MMD: variants seen among roughly 807,000 people sequenced by gnomAD.
MMD encodes the protein monocyte to macrophage differentiation associated.
Under a neutral mutation model 33.6 loss-of-function variants are expected in MMD, and 22 were observed. The observed-to-expected ratio is 0.66, with a 90% CI of 0.47 to 0.94. The LOEUF is 0.94. Among genes scored for constraint, MMD ranks in the 40% least tolerant of loss-of-function variants. MMD has a pLI of 0.00. For missense variants in MMD, 242 were observed against 309.8 expected (o/e 0.78, Z 1.64); for synonymous variants, 97 against 103.2 (o/e 0.94, Z 0.36).
At chr17:55,410,687 G>C (rs1907726287) in intron 3 of MMD, among the ~76,000 whole-genome samples, 1 of 152,212 alleles carries the variant, frequency 6.6e-6, no homozygotes, top group Non-Finnish European at 1.5e-5. Flanking sequence ...CAAACTATAA[G>C]TATACCTTCA....
chr17:55,403,633 T>G (rs1907431056), intron 5 of MMD, 134 bp downstream of exon 5: 6 of 575,180 alleles, frequency 1.0e-5, no homozygotes, highest in Admixed American at 3.7e-5. Flanking sequence ...TTTTGAAGAT[T>G]TATTAAAAAT....
Position 55,400,556 on chromosome 17 carries a change from G to GAA in MMD, c.516+911_516+912dup, listed in dbSNP as rs11371752. 9.0e-3 allele frequency among the ~76,000 whole-genome samples: 1,300 copies of GAA among 144,548 alleles called. 14 individuals carry two copies. Among genetic ancestry groups the GAA allele is most frequent in the African/African-American group, 0.028 (1,120 of 39,300 alleles). 94.8% of individuals were successfully genotyped at this position (144,548 alleles called of 152,430 possible). On this transcript the variant is annotated intron_variant, in intron 6 of 6. Coordinates refer to ENST00000262065, the MANE Select transcript of MMD (RefSeq NM_012329.3). Reference sequence around the variant, plus strand: ...GAGCAAGACTTTGTCTCAAAAAAAAGAAAAAAAAAAAAAGGTTCTTACAAT... The same window carrying GAA: ...GAGCAAGACTTTGTCTCAAAAAAAAGAAAAAAAAAAAAAAAGGTTCTTACAAT...
chr17:55,410,756 T>A (rs1039991483), intron 3 of MMD, among the ~76,000 whole-genome samples: 2 of 152,218 alleles, frequency 1.3e-5, no homozygotes, highest in Non-Finnish European at 1.5e-5. Context: ...GTACCTTATC[T>A]CATTCACCTA....
chr17:55,407,915 C>G (rs1468132687), intron 3 of MMD, 95 bp from the exon 4 acceptor site: 15 of 848,260 alleles, frequency 1.8e-5, no homozygotes, highest in Non-Finnish European at 2.3e-5. Context: ...CATTCTTGTT[C>G]TAGTTCTCAT....
chr17:55,409,369 CCTTT>C (rs913061061), intron 3 of MMD, among the ~76,000 whole-genome samples: 14 of 152,100 alleles, frequency 9.2e-5, no homozygotes, highest in African/African-American at 3.4e-4. Flanking sequence ...AGGTTTTGGG[CCTTT>C]CTAATTCTGT....
At chr17:55,419,885 C>T (rs28414540) in intron 1 of MMD, among the ~76,000 whole-genome samples, 57,673 of 151,986 alleles carry the variant, frequency 0.38, 11,789 homozygotes, top group Non-Finnish European at 0.46. Flanking sequence ...AAAGAAAATA[C>T]CTGTATTTTT....
chr17:55,419,236 G>A (rs1908083895), intron 1 of MMD, among the ~76,000 whole-genome samples: 1 of 152,226 alleles, frequency 6.6e-6, no homozygotes. Flanking sequence ...TAGATAAATG[G>A]CACTCAATAA....
At chr17:55,395,416 G>A (rs1018500609) in intron 6 of MMD, among the ~76,000 whole-genome samples, 10 of 152,236 alleles carry the variant, frequency 6.6e-5, no homozygotes, top group Non-Finnish European at 1.3e-4. Flanking sequence ...ATCACGGCAG[G>A]GCCTTGGAAG....
chr17:55,400,314 G>A (rs1387014271), intron 6 of MMD, among the ~76,000 whole-genome samples: 1 of 152,088 alleles, frequency 6.6e-6, no homozygotes, highest in East Asian at 1.9e-4. Flanking sequence ...TTGGGAGGCC[G>A]AGGCAGGTGG....
rs574593905 is a variant in MMD, at chr17:55,403,760, C to A, written c.446+7G>T. On this transcript the variant is annotated splice_region_variant and intron_variant, in intron 5 of 6. Coordinates refer to ENST00000262065, the MANE Select transcript of MMD (RefSeq NM_012329.3). ...AAAACTATCAAATGTAAATTATTTT[C>A]TCTTACTTTTCATGGTAGAGAAATA... is the stretch of plus-strand genomic sequence containing the variant. 193 of 1,596,744 alleles carry A rather than the reference C, an allele frequency of 1.2e-4. 2 individuals are homozygous for A. In the Admixed American group the frequency reaches 3.2e-3, roughly 27 times the overall value.
At chr17:55,399,487 G>A (rs992888672) in intron 6 of MMD, among the ~76,000 whole-genome samples, 1 of 152,098 alleles carries the variant, frequency 6.6e-6, no homozygotes, top group African/African-American at 2.4e-5. Context: ...AACTCAAGCT[G>A]GTACATGTAT....
chr17:55,405,016 C>T (rs1907488532), intron 4 of MMD, among the ~76,000 whole-genome samples: 2 of 151,306 alleles, frequency 1.3e-5, no homozygotes, highest in African/African-American at 2.4e-5. Context: ...GAGCTGAGAT[C>T]GCACCACTGC....
chr17:55,405,396 A>G (rs543741488), intron 4 of MMD, among the ~76,000 whole-genome samples: 545 of 148,342 alleles, frequency 3.7e-3, no homozygotes, highest in African/African-American at 0.012. Flanking sequence ...AAAAAAAAAA[A>G]GAATAAATGA....
At chr17:55,416,371 G>T (rs528149139) in intron 1 of MMD, among the ~76,000 whole-genome samples, 1 of 152,102 alleles carries the variant, frequency 6.6e-6, no homozygotes, top group African/African-American at 2.4e-5. Context: ...TGATCACCTG[G>T]AATAATTCAC....
At chr17:55,404,149 G>A (rs760864981) in intron 4 of MMD, among the ~76,000 whole-genome samples, 18 of 152,168 alleles carry the variant, frequency 1.2e-4, no homozygotes, top group Non-Finnish European at 2.6e-4. Flanking sequence ...GAGGTCAGGA[G>A]TTCAAGATCA....
Position 55,421,670 on chromosome 17 carries a change from C to T in MMD, c.26G>A (p.Arg9Gln). 6 of 1,598,222 alleles carry T rather than the reference C, an allele frequency of 3.8e-6. No homozygotes were observed. The highest frequency in any genetic ancestry group is 1.1e-5 in the South Asian group (1 of 90,126). ...GGGACCGGGACGCCATCCCTCTCAC[C>T]GCTGGAATCGATTCTTGAACCGCAT... MRFKNRFQ[R>Q]FMNHRAPANG... Residue 9 changes from arginine (R) to glutamine (Q), a missense_variant and splice_region_variant, in exon 1 of 7, where the codon CGG becomes CAG. Coordinates refer to ENST00000262065, the MANE Select transcript of MMD (RefSeq NM_012329.3).
chr17:55,403,019 C>T (rs1402664227), intron 5 of MMD, among the ~76,000 whole-genome samples: 1 of 152,110 alleles, frequency 6.6e-6, no homozygotes, highest in Non-Finnish European at 1.5e-5. Flanking sequence ...CAAAGATTTC[C>T]TGGTTGTGTG....
chr17:55,396,144 C>T (rs1907092141), intron 6 of MMD, among the ~76,000 whole-genome samples: 1 of 152,174 alleles, frequency 6.6e-6, no homozygotes, highest in Admixed American at 6.5e-5. Flanking sequence ...ACCACATTTA[C>T]CTCAACTTTC....
intron 3 of MMD, among the ~76,000 whole-genome samples, chr17:55,409,883 C>T (rs1907696476): frequency 6.6e-6 from 1 of 152,136 alleles, no homozygotes; most frequent in African/African-American, 2.4e-5. Context: ...CTAAACTGGC[C>T]TCTGGGCGCT....
Sources: gnomAD v4.1 joint callset for allele counts (sites outside exome capture counted in the v4.1 genomes callset) on GRCh38, gnomAD v4.1.1 for gene constraint, MANE v1.5 for transcripts, NCBI Gene and HGNC (gene_info 2026-07-23, HGNC 2026-07-21) for gene names.